The following LATS2 variants were observed in gnomAD, a reference collection of about 807,000 sequenced individuals.
LATS2 encodes the protein serine/threonine-protein kinase LATS2.
LATS2 carries 24 observed loss-of-function variants against 76.0 expected under a neutral mutation model. The ratio of observed to expected loss-of-function variants is 0.32; its 90% CI spans 0.23 to 0.44. LATS2 has a LOEUF of 0.44. Ranked by LOEUF, LATS2 falls within the 20% of genes least tolerant of loss-of-function variation. The pLI, the probability that LATS2 is intolerant of heterozygous loss-of-function variation, is 1.00. For synonymous variants in LATS2, 692 were observed against 635.4 expected, an observed-to-expected ratio of 1.09 and a Z score of -1.34; for missense variants, 1,286 against 1,481.2, an observed-to-expected ratio of 0.87 and a Z score of 2.16.
chr13:20,992,992 C>T (rs1870573047), intron 2 of LATS2, among the ~76,000 whole-genome samples: 1 of 144,618 alleles, frequency 6.9e-6, no homozygotes, highest in Non-Finnish European at 1.5e-5. Flanking sequence ...GCCGAGATCA[C>T]GCCACTGCAC....
chr13:21,045,892 A>G lies in LATS2; in HGVS notation c.135T>C (p.Thr45=). The change falls in exon 2 of 8, where the codon ACT becomes ACC. Residue 45 remains threonine (T), a synonymous_variant. Coordinates refer to ENST00000382592, the MANE Select transcript of LATS2 (RefSeq NM_014572.3). ...QGLPAGPNSD[T]SLDAKVLGSK... ...TCCCCAGGACTTTGGCATCCAGGGA[A>G]GTGTCACTGTTTGGTCCTGCGGGTA... The G allele has an allele frequency of 6.2e-7, 1 of 1,614,170 alleles. No individual in the cohort carries two copies. Among genetic ancestry groups the G allele is most frequent in the Non-Finnish European group, 8.5e-7 (1 of 1,180,016 alleles).
At chr13:21,032,731 C>A (rs190960225) in intron 2 of LATS2, among the ~76,000 whole-genome samples, 3 of 152,088 alleles carry the variant, frequency 2.0e-5, no homozygotes, top group Non-Finnish European at 2.9e-5. Flanking sequence ...TGGATGGTAC[C>A]GACACAAATG....
chr13:21,057,227 G>A (rs916253806), intron 1 of LATS2, among the ~76,000 whole-genome samples: 6 of 152,202 alleles, frequency 3.9e-5, no homozygotes, highest in African/African-American at 1.4e-4. Context: ...CTAACAATCA[G>A]TGTTAACAAG....
Position 21,018,661 on chromosome 13 carries a change from C to CTT in LATS2, c.342+27022_342+27023dup, listed in dbSNP as rs112626537. Among the ~76,000 whole-genome samples, 1,430 of 149,902 alleles carry CTT rather than the reference C, an allele frequency of 9.5e-3. 32 individuals carry two copies. The highest frequency in any genetic ancestry group is 0.033 in the African/African-American group (1,352 of 41,048). Reference sequence around the variant, plus strand: ...CGAGCCTTCTTTTCTCAGAGTCCCTCTTTTTTTTTTGACACGTTGTCTTGC... The same window carrying CTT: ...CGAGCCTTCTTTTCTCAGAGTCCCTCTTTTTTTTTTTTGACACGTTGTCTTGC... On this transcript the variant is annotated intron_variant, in intron 2 of 7. Transcript: ENST00000382592.
intron 2 of LATS2, among the ~76,000 whole-genome samples, chr13:21,024,841 T>A (rs1872244315): frequency 6.6e-6 from 1 of 152,190 alleles, no homozygotes; most frequent in Admixed American, 6.5e-5. Context: ...GTGTGTATCC[T>A]ATACTCACTG....
intron 2 of LATS2, among the ~76,000 whole-genome samples, chr13:21,040,376 C>CAAAAAAAAAAAAAAAAAA (rs141897751): frequency 3.7e-5 from 4 of 108,754 alleles, no homozygotes; most frequent in African/African-American, 1.4e-4. Flanking sequence ...GACCTTGTCT[C>CAAAAAAAAAAAAAAAAAA]AAAAAAAAAA....
chr13:20,988,679 G>A lies in LATS2; in HGVS notation c.1101C>T (p.Val367=). 6.3e-7 allele frequency: 1 copy of A among 1,574,918 alleles called. No homozygotes were observed. The highest frequency in any genetic ancestry group is 1.2e-5 in the South Asian group (1 of 86,790). ...CCAGGGTGGCAGCCGGCCACTGCTG[G>A]ACGGAGGTGCTGCCCAATTCATACA... ...VDLYELGSTS[V]QQWPAATLAR... is the part of the protein sequence containing the mutation. Residue 367 remains valine, a synonymous_variant, in exon 4 of 8, where the codon GTC becomes GTT. Coordinates refer to ENST00000382592, the MANE Select transcript of LATS2 (RefSeq NM_014572.3).
intron 2 of LATS2, among the ~76,000 whole-genome samples, chr13:21,002,841 A>C (rs1001711095): frequency 6.6e-6 from 1 of 152,032 alleles, no homozygotes; most frequent in African/African-American, 2.4e-5. Context: ...GGTGCAGGCA[A>C]TCACACCTGG....
intron 7 of LATS2, among the ~76,000 whole-genome samples, chr13:20,975,860 T>C (rs572080198): frequency 1.3e-3 from 205 of 152,238 alleles, no homozygotes; most frequent in African/African-American, 4.7e-3. Flanking sequence ...ATTTTTGTAT[T>C]TTTAGTAGAG....
In LATS2 at chr13:20,998,800, TTGTCCACACGG is replaced by T. The variant is rs1464223010; in HGVS notation, c.343-7407_343-7397del. On this transcript the variant is annotated intron_variant, in intron 2 of 7. Coordinates refer to ENST00000382592, the MANE Select transcript of LATS2 (RefSeq NM_014572.3). ...GCTGGTGGGGCAGAGCCCCGTGACC[TTGTCCACACGG>T]GGCGGGGGCCGCAGCGACATTGTGC... Among the ~76,000 whole-genome samples, 28 of 152,208 alleles carry T rather than the reference TTGTCCACACGG, an allele frequency of 1.8e-4. No homozygotes were observed. The East Asian group carries it at 4.8e-3, about 26-fold the overall frequency.
At chr13:21,059,282 A>T (rs1873546931) in intron 1 of LATS2, among the ~76,000 whole-genome samples, 1 of 152,230 alleles carries the variant, frequency 6.6e-6, no homozygotes, top group Non-Finnish European at 1.5e-5. Flanking sequence ...AGGTGAAATA[A>T]TTTTTTTAAT....
chr13:21,028,615 G>C (rs9550695), intron 2 of LATS2, among the ~76,000 whole-genome samples: 14,100 of 152,224 alleles, frequency 0.093, 1,241 homozygotes, highest in East Asian at 0.43. Context: ...TCTGTCACCA[G>C]GCTGGAGTGC....
Position 20,975,347 on chromosome 13 carries a change from G to A in LATS2, c.2790C>T (p.Asn930=). The change falls in exon 8 of 8, where the codon AAC becomes AAT. Residue 930 remains asparagine, a synonymous_variant. Coordinates refer to ENST00000382592, the MANE Select transcript of LATS2 (RefSeq NM_014572.3). ...TCACCTGGGCTGGAATGTGGAGCGT[G>A]TTCTCCCAGTTGATCACCTGAGGAA... ...ETQLKVINWE[N]TLHIPAQVKL... 3 of 1,562,098 alleles carry A rather than the reference G, an allele frequency of 1.9e-6. No homozygotes were observed. Among genetic ancestry groups the A allele is most frequent in the Non-Finnish European group, 2.6e-6 (3 of 1,155,368 alleles).
At chr13:20,975,735 G>A (rs1869589014) in intron 7 of LATS2, among the ~76,000 whole-genome samples, 1 of 152,126 alleles carries the variant, frequency 6.6e-6, no homozygotes, top group South Asian at 2.1e-4. Flanking sequence ...CCAGGTTGGA[G>A]TGCAGTGGTG....
At chr13:21,054,401 C>G (rs1253239735) in intron 1 of LATS2, among the ~76,000 whole-genome samples, 2 of 152,126 alleles carry the variant, frequency 1.3e-5, no homozygotes, top group Non-Finnish European at 2.9e-5. Flanking sequence ...GAGCAAGTCT[C>G]CACCTCAAAA....
chr13:20,999,513 T>A (rs1870944326), intron 2 of LATS2, among the ~76,000 whole-genome samples: 1 of 152,092 alleles, frequency 6.6e-6, no homozygotes. Flanking sequence ...CTGTCACCCA[T>A]GCTGGAGTAC....
At chr13:21,005,689 A>C (rs1269782882) in intron 2 of LATS2, 1 of 151,944 alleles carries the variant, frequency 6.6e-6, no homozygotes, top group Non-Finnish European at 1.5e-5. Context: ...CTGTAATCCC[A>C]GTGCTTTGGG....
At chr13:21,003,902 C>A (rs79571190) in intron 2 of LATS2, among the ~76,000 whole-genome samples, 3,450 of 152,192 alleles carry the variant, frequency 0.023, 155 homozygotes, top group African/African-American at 0.079. Context: ...AATCTTATAT[C>A]TTTTAAGGCC....
At chr13:20,975,472 G>A (rs1869572502) in intron 7 of LATS2, 108 bp from the exon 8 acceptor site, 16 of 1,193,776 alleles carry the variant, frequency 1.3e-5, no homozygotes, top group South Asian at 9.3e-5. Flanking sequence ...CACAATAGGA[G>A]AGGAGTTAGA....
Sources: gnomAD v4.1 joint callset for allele counts (sites outside exome capture counted in the v4.1 genomes callset) on GRCh38, gnomAD v4.1.1 for gene constraint, MANE v1.5 for transcripts, NCBI Gene and HGNC (gene_info 2026-07-23, HGNC 2026-07-21) for gene names.